TEX22: variants seen among roughly 807,000 people sequenced by gnomAD.
TEX22 encodes testis expressed 22.
Under a neutral mutation model 11.3 loss-of-function variants are expected in TEX22, and 16 were observed. The ratio of observed to expected loss-of-function variants is 1.42; its 90% confidence interval spans 0.96 to 2.15. The LOEUF (loss-of-function observed/expected upper bound fraction) is 2.15. TEX22 is among the 30% of genes most tolerant of loss of function. TEX22 has a pLI of 0.00. For missense variants in TEX22, 220 were observed against 208.6 expected (o/e 1.05, Z -0.34); for synonymous variants, 97 against 92.3 (o/e 1.05, Z -0.29).
chr14:105,407,190 C>T (rs1555418948), intron 2 of TEX22, among the ~76,000 whole-genome samples: 1 of 151,898 alleles, frequency 6.6e-6, no homozygotes, highest in African/African-American at 2.4e-5. Context: ...GTCTCAGCCT[C>T]CTGAGTAGCT....
chr14:105,399,830 A>G (rs1375890588), intron 2 of TEX22, among the ~76,000 whole-genome samples: 8 of 151,918 alleles, frequency 5.3e-5, no homozygotes, highest in African/African-American at 1.5e-4. Context: ...CGGGAGGGAA[A>G]GCAAGGTCCC....
chr14:105,406,400 A>G (rs782482607), intron 2 of TEX22, among the ~76,000 whole-genome samples: 10 of 152,182 alleles, frequency 6.6e-5, no homozygotes, highest in Non-Finnish European at 1.5e-4. Flanking sequence ...GCAATGAGGA[A>G]ACTATTTTTA....
At chr14:105,407,382 T>G (rs1030759062) in intron 2 of TEX22, among the ~76,000 whole-genome samples, 1 of 152,064 alleles carries the variant, frequency 6.6e-6, no homozygotes, top group Non-Finnish European at 1.5e-5. Flanking sequence ...TCTTAAATTT[T>G]TTTAGAGATG....
intron 2 of TEX22, among the ~76,000 whole-genome samples, chr14:105,402,699 T>G (rs984629973): frequency 7.1e-6 from 1 of 141,620 alleles, no homozygotes; most frequent in Admixed American, 7.7e-5. Flanking sequence ...GAGCTTGCAG[T>G]GAGACGAGAT....
At chr14:105,400,940 T>C (rs1260645845) in intron 2 of TEX22, among the ~76,000 whole-genome samples, 1 of 152,126 alleles carries the variant, frequency 6.6e-6, no homozygotes, top group Admixed American at 6.5e-5. Flanking sequence ...CCACTTCTGA[T>C]ATGGACCTGG....
Position 105,411,421 on chromosome 14 carries a change from C to T in TEX22, c.204C>T (p.Ile68=), listed in dbSNP as rs891076979. Residue 68 remains isoleucine, a synonymous_variant, in exon 3 of 4, where the codon ATC becomes ATT. Transcript: ENST00000451127. ...RRPGRRWSVS[I]DERRRLATLG... is the part of the protein sequence containing the mutation. ...CGGGCCGCCGCTGGAGCGTCAGCAT[C>T]GACGAGCGCCGGCGGCTGGCCACGC... 5.0e-5 allele frequency: 62 copies of T among 1,251,506 alleles called. 1 individual carries two copies. Among genetic ancestry groups the T allele is most frequent in the Non-Finnish European group, 6.1e-5 (61 of 1,003,112 alleles). 77.5% of individuals were successfully genotyped at this position (1,251,506 alleles called of 1,614,324 possible).
intron 2 of TEX22, among the ~76,000 whole-genome samples, chr14:105,399,993 C>T (rs1329355273): frequency 2.0e-5 from 3 of 152,234 alleles, no homozygotes; most frequent in African/African-American, 7.2e-5. Context: ...GGACAGTGAG[C>T]TACAGGCTTG....
At chr14:105,402,578 C>A (rs587764673) in intron 2 of TEX22, among the ~76,000 whole-genome samples, 3 of 151,658 alleles carry the variant, frequency 2.0e-5, no homozygotes, top group Non-Finnish European at 4.4e-5. Context: ...CACGGTGAAA[C>A]CCCGTCTCTA....
chr14:105,401,023 C>T (rs1422536229), intron 2 of TEX22, among the ~76,000 whole-genome samples: 1 of 152,172 alleles, frequency 6.6e-6, no homozygotes, highest in Non-Finnish European at 1.5e-5. Context: ...GCCAGTCTAC[C>T]TGTGGGCATA....
intron 2 of TEX22, among the ~76,000 whole-genome samples, chr14:105,403,110 G>C (rs1234487198): frequency 6.6e-6 from 1 of 152,192 alleles, no homozygotes; most frequent in Non-Finnish European, 1.5e-5. Context: ...CAGAGGAACA[G>C]ACCTACTTTG....
At chr14:105,401,075 C>T (rs1380419111) in intron 2 of TEX22, among the ~76,000 whole-genome samples, 5 of 152,186 alleles carry the variant, frequency 3.3e-5, no homozygotes, top group African/African-American at 1.2e-4. Flanking sequence ...AATCCAGGAG[C>T]ACCTGAAATG....
chr14:105,399,634 C>T, intron 2 of TEX22, 144 bp downstream of exon 2: 3 of 941,340 alleles, frequency 3.2e-6, no homozygotes, highest in Non-Finnish European at 4.6e-6. Context: ...GATGGCTGGA[C>T]TCAGGAGGCT....
rs2081704111 is a variant in TEX22 at position 105,412,977 on chromosome 14, T to C, written c.*1144T>C. On this transcript the variant is annotated 3_prime_UTR_variant, in exon 4 of 4. Transcript: ENST00000451127. The surrounding 1 kb of genome is among the most constrained non-coding windows in gnomAD (Gnocchi z 5.8). ...AGCCACCTGCTGCCCTGACACAGGA[T>C]CCCTGGCCCGAGTTGAATCCTCTGC... 1 of 152,582 alleles carries C rather than the reference T, an allele frequency of 6.6e-6. No homozygotes were observed. The highest frequency in any genetic ancestry group is 1.5e-5 in the Non-Finnish European group (1 of 68,404). 9.5% of individuals were successfully genotyped at this position (152,582 alleles called of 1,614,324 possible).
At chr14:105,410,982 T>G (rs1555419284) in intron 2 of TEX22, among the ~76,000 whole-genome samples, 1 of 152,124 alleles carries the variant, frequency 6.6e-6, no homozygotes, top group African/African-American at 2.4e-5. Flanking sequence ...TTCAGAGGGG[T>G]CTGGGGAGAA....
intron 2 of TEX22, among the ~76,000 whole-genome samples, chr14:105,402,557 A>C (rs113144512): frequency 6.6e-6 from 1 of 151,818 alleles, no homozygotes; most frequent in African/African-American, 2.4e-5. Context: ...GATCAAGACC[A>C]TCCTGGCTAA....
intron 2 of TEX22, among the ~76,000 whole-genome samples, chr14:105,410,623 A>C (rs1566986579): frequency 6.6e-6 from 1 of 152,160 alleles, no homozygotes; most frequent in Non-Finnish European, 1.5e-5. Context: ...AGGAATGAGA[A>C]TTCACTTCGG....
intron 2 of TEX22, among the ~76,000 whole-genome samples, chr14:105,410,560 A>G (rs1177683657): frequency 6.6e-6 from 1 of 152,224 alleles, no homozygotes; most frequent in African/African-American, 2.4e-5. Context: ...TTTTGGGTAC[A>G]TACCCCAAAG....
intron 1 of TEX22, among the ~76,000 whole-genome samples, chr14:105,398,882 CAG>C (rs1237431438): frequency 1.3e-5 from 2 of 152,252 alleles, no homozygotes; most frequent in African/African-American, 4.8e-5. Context: ...GGGGAGGTCT[CAG>C]GGTCGGAAGC....
intron 2 of TEX22, among the ~76,000 whole-genome samples, chr14:105,402,484 G>A (rs782028482): frequency 5.3e-5 from 8 of 152,118 alleles, no homozygotes; most frequent in Non-Finnish European, 7.3e-5. Flanking sequence ...GCCGGGTGTG[G>A]TGGCTCACGC....
Sources: allele counts gnomAD v4.1 joint callset (sites outside exome capture counted in the v4.1 genomes callset), GRCh38; gene constraint gnomAD v4.1.1; non-coding constraint Gnocchi (gnomAD v3.1); transcripts MANE v1.5; gene names NCBI Gene and HGNC (gene_info 2026-07-23, HGNC 2026-07-21).